ANKRD44: variants seen among roughly 807,000 people sequenced by gnomAD.
ANKRD44 encodes the protein serine/threonine-protein phosphatase 6 regulatory ankyrin repeat subunit B.
Under a neutral mutation model 116.0 loss-of-function variants are expected in ANKRD44, and 35 were observed. The ratio of observed to expected loss-of-function variants is 0.30; its 90% CI spans 0.23 to 0.40. ANKRD44 has a LOEUF of 0.40. ANKRD44 is among the 10% of genes least tolerant of loss of function. ANKRD44 has a pLI of 1.00. For missense variants in ANKRD44, 1,014 were observed against 1,242.6 expected (o/e 0.82, Z 2.77); for synonymous variants, 435 against 461.8 (o/e 0.94, Z 0.74).
chr2:197,041,357 A>G (rs376916042), intron 16 of ANKRD44, among the ~76,000 whole-genome samples: 57 of 152,196 alleles, frequency 3.7e-4, no homozygotes, highest in Admixed American at 2.5e-3. Flanking sequence ...CCTGGTTCCC[A>G]TTGGTTTGTC....
intron 1 of ANKRD44, among the ~76,000 whole-genome samples, chr2:197,281,170 A>C (rs2083253601): frequency 6.6e-6 from 1 of 152,196 alleles, no homozygotes; most frequent in Admixed American, 6.5e-5. Flanking sequence ...AGTAGGTATA[A>C]ATGCCTGTCC....
At chr2:197,285,181 A>G (rs1285463524) in intron 1 of ANKRD44, among the ~76,000 whole-genome samples, 1 of 151,996 alleles carries the variant, frequency 6.6e-6, no homozygotes, top group Non-Finnish European at 1.5e-5. Flanking sequence ...TAGGTTATGT[A>G]AGGCCTGTGG....
chr2:197,124,875 G>T (rs1414535641), intron 6 of ANKRD44, among the ~76,000 whole-genome samples: 1 of 152,236 alleles, frequency 6.6e-6, no homozygotes, highest in African/African-American at 2.4e-5. Flanking sequence ...AGGGCTGCAG[G>T]CTTCAGTTTT....
chr2:197,261,649 C>T (rs1395420235), intron 1 of ANKRD44, among the ~76,000 whole-genome samples: 1 of 152,146 alleles, frequency 6.6e-6, no homozygotes, highest in Admixed American at 6.6e-5. Flanking sequence ...TGTACACACC[C>T]TGTCTTCTTC....
chr2:197,197,809 CAAAAAAAA>C (rs199994103), intron 1 of ANKRD44, among the ~76,000 whole-genome samples: 6 of 114,170 alleles, frequency 5.3e-5, no homozygotes, highest in Non-Finnish European at 8.3e-5. Flanking sequence ...AATCCTGTCT[CAAAAAAAA>C]AAAAAAAAAA....
intron 16 of ANKRD44, among the ~76,000 whole-genome samples, chr2:197,058,721 A>T (rs1205934412): frequency 2.6e-5 from 4 of 152,200 alleles, no homozygotes; most frequent in Non-Finnish European, 4.4e-5. Context: ...TTTAAAATGC[A>T]TTTAGTCTCC....
chr2:197,004,976 A>G lies in ANKRD44; in HGVS notation c.2347+718T>C, dbSNP rs192899241. Among the ~76,000 whole-genome samples, 3 of 152,268 alleles carry G rather than the reference A, an allele frequency of 2.0e-5. No individual in the cohort carries two copies. In the East Asian group the frequency reaches 5.8e-4, roughly 29 times the overall value. On this transcript the variant is annotated intron_variant, in intron 21 of 27. Coordinates refer to ENST00000282272, the MANE Select transcript of ANKRD44 (RefSeq NM_001195144.2). ...ATTGACTTGTAAGAATATCTGCAAT[A>G]CAATTTAAACACCAACAAAAAATTA...
At position 197,083,426 on chromosome 2, in the gene ANKRD44, G is replaced by A; in HGVS notation, c.1400C>T (p.Thr467Ile). 1 of 1,613,984 alleles carries A rather than the reference G, an allele frequency of 6.2e-7. No homozygotes were observed. Among genetic ancestry groups the A allele is most frequent in the African/African-American group, 1.3e-5 (1 of 75,046 alleles). ...CAAAGCTGTGCGTCCCCAGTCATCTGTTTCATTAACGTTGGCCCCTGTGGT... is the reference window on the plus strand; with the variant it reads ...CAAAGCTGTGCGTCCCCAGTCATCTATTTCATTAACGTTGGCCCCTGTGGT... ...LVTTGANVNE[T>I]DDWGRTALHY... The change falls in exon 14 of 28, where the codon ACA (threonine) becomes ATA (isoleucine). Residue 467 changes from threonine (T) to isoleucine (I), a missense_variant. Thr to Ile is a moderately conservative substitution (Grantham distance 89). Coordinates refer to ENST00000282272, the MANE Select transcript of ANKRD44 (RefSeq NM_001195144.2).
chr2:196,992,729 A>T (rs2075944141), intron 27 of ANKRD44: 1 of 152,664 alleles, frequency 6.6e-6, no homozygotes, highest in Admixed American at 6.5e-5. Flanking sequence ...TGCAAAATCA[A>T]AACTAATAAG....
intron 2 of ANKRD44, among the ~76,000 whole-genome samples, chr2:197,185,189 T>C (rs561697647): frequency 1.2e-4 from 19 of 152,360 alleles, no homozygotes; most frequent in African/African-American, 4.6e-4. Flanking sequence ...CCGCAGGCCC[T>C]GGACAAATGC....
At chr2:196,982,111 TATATA>T (rs200956352), downstream of ANKRD44, among the ~76,000 whole-genome samples, 12,006 of 140,788 alleles carry the variant, frequency 0.085, 1,122 homozygotes, top group East Asian at 0.15. Context: ...AAAAAAATTA[TATATA>T]TATATATATA....
intron 1 of ANKRD44, among the ~76,000 whole-genome samples, chr2:197,240,216 A>T (rs2082061382): frequency 1.3e-5 from 2 of 151,914 alleles, no homozygotes; most frequent in Non-Finnish European, 2.9e-5. Flanking sequence ...CTCTACTAAA[A>T]ATACGAAAAT....
Position 197,310,596 on chromosome 2 carries a change from C to T in ANKRD44, c.9G>A (p.Val3=), listed in dbSNP as rs1317049629. 4 of 1,314,894 alleles carry T rather than the reference C, an allele frequency of 3.0e-6. No homozygotes were observed. The highest frequency in any genetic ancestry group is 1.6e-5 in the African/African-American group (1 of 63,760). The allele number at this position is 1,314,894 out of a possible 1,614,324, so 81.5% of individuals were successfully genotyped here. The change falls in exon 1 of 28, where the codon GTG becomes GTA. Residue 3 remains valine, a synonymous_variant. Coordinates refer to ENST00000282272, the MANE Select transcript of ANKRD44 (RefSeq NM_001195144.2). ...CCGCTACCTGGTCGGTGAGTTTGAG[C>T]ACTGCCATTCTTCCGCTCCTTCGCG... MA[V]LKLTDQPPLV...
At chr2:197,030,874 A>G (rs922132826) in intron 16 of ANKRD44, among the ~76,000 whole-genome samples, 1 of 152,058 alleles carries the variant, frequency 6.6e-6, no homozygotes, top group African/African-American at 2.4e-5. Context: ...ATGCGGTCTC[A>G]CTATGTTGCC....
chr2:197,252,131 A>C (rs754980875), intron 1 of ANKRD44, among the ~76,000 whole-genome samples: 7 of 152,170 alleles, frequency 4.6e-5, no homozygotes, highest in Non-Finnish European at 7.3e-5. Context: ...TGTTTTGCTT[A>C]AATAGGAAAA....
At chr2:197,272,045 A>G (rs1473112582) in intron 1 of ANKRD44, among the ~76,000 whole-genome samples, 5 of 152,160 alleles carry the variant, frequency 3.3e-5, no homozygotes, top group African/African-American at 1.2e-4. Flanking sequence ...GACCCTTATA[A>G]AAGAAACTGC....
downstream of ANKRD44, among the ~76,000 whole-genome samples, chr2:196,985,133 A>C (rs923255252): frequency 6.6e-5 from 10 of 152,202 alleles, no homozygotes; most frequent in Non-Finnish European, 1.5e-4. Flanking sequence ...GACGGCAGCC[A>C]ACAGCCATCA....
At chr2:197,292,469 C>A (rs931717517) in intron 1 of ANKRD44, among the ~76,000 whole-genome samples, 3 of 152,170 alleles carry the variant, frequency 2.0e-5, no homozygotes, top group Non-Finnish European at 2.9e-5. Flanking sequence ...GTGGGACACT[C>A]AAATCACAAT....
intron 1 of ANKRD44, among the ~76,000 whole-genome samples, chr2:197,280,394 CA>C (rs1445525705): frequency 6.6e-6 from 1 of 152,190 alleles, no homozygotes; most frequent in African/African-American, 2.4e-5. Context: ...AAAGGGTTTG[CA>C]AAAGGCAGCT....
Sources: allele counts gnomAD v4.1 joint callset (sites outside exome capture counted in the v4.1 genomes callset), GRCh38; gene constraint gnomAD v4.1.1; transcripts MANE v1.5; gene names NCBI Gene and HGNC (gene_info 2026-07-23, HGNC 2026-07-21).